Variants in NRP2 observed in about 807,000 individuals in gnomAD.
NRP2 encodes the protein neuropilin 2.
NRP2 carries 52 observed loss-of-function variants against 110.4 expected under a neutral mutation model. The ratio of observed to expected loss-of-function variants is 0.47; its 90% CI spans 0.38 to 0.59. The LOEUF is 0.59. NRP2 is among the 20% of genes least tolerant of loss of function. The pLI is 0.00. For missense variants in NRP2, 1,049 were observed against 1,203.0 expected, an observed-to-expected ratio of 0.87 and a Z score of 1.89; for synonymous variants, 508 against 468.9, an observed-to-expected ratio of 1.08 and a Z score of -1.08.
In NRP2 at chr2:205,796,972, A is replaced by G. The variant is rs2058356977; in HGVS notation, c.*1914A>G. On this transcript the variant is annotated 3_prime_UTR_variant, in exon 17 of 17. Coordinates refer to ENST00000357785, the MANE Select transcript of NRP2 (RefSeq NM_003872.3). The stretch of plus-strand genomic sequence containing the variant: ...TTATGGAAATGCTAGTTCAAATGGT[A>G]ATGTCACAGTGTTTTGTATGCAGAG... 2 of 152,680 alleles carry G rather than the reference A, an allele frequency of 1.3e-5. No individual in the cohort carries two copies. Among genetic ancestry groups the G allele is most frequent in the African/African-American group, 4.8e-5 (2 of 41,454 alleles). 9.5% of individuals were successfully genotyped at this position (152,680 alleles called of 1,614,324 possible).
intron 2 of NRP2, among the ~76,000 whole-genome samples, chr2:205,715,164 A>T (rs1056154742): frequency 6.6e-5 from 10 of 152,196 alleles, no homozygotes; most frequent in Non-Finnish European, 1.5e-4. Flanking sequence ...TGACAGGAGT[A>T]TTAACTGGGA....
intron 2 of NRP2, among the ~76,000 whole-genome samples, chr2:205,713,887 G>A (rs1044576294): frequency 2.0e-5 from 3 of 152,182 alleles, no homozygotes; most frequent in African/African-American, 7.2e-5. Context: ...ATTCCTAGCA[G>A]TAGGATTGCT....
intron 15 of NRP2, among the ~76,000 whole-genome samples, chr2:205,789,656 G>A (rs916907192): frequency 6.6e-6 from 1 of 152,078 alleles, no homozygotes; most frequent in African/African-American, 2.4e-5. Flanking sequence ...TCTCCCCTCT[G>A]CCTCCCAGAG....
At chr2:205,775,682 C>T (rs2058086216) in intron 15 of NRP2, among the ~76,000 whole-genome samples, 1 of 152,210 alleles carries the variant, frequency 6.6e-6, no homozygotes, top group Non-Finnish European at 1.5e-5. Context: ...ACCTTCAAGT[C>T]TAGCCAGCTT....
intron 15 of NRP2, among the ~76,000 whole-genome samples, chr2:205,787,840 T>A (rs1039273801): frequency 6.6e-6 from 1 of 151,988 alleles, no homozygotes; most frequent in African/African-American, 2.4e-5. Context: ...TCAGTAGGAA[T>A]TTCCAGGCAG....
intron 12 of NRP2, chr2:205,761,485 C>T (rs1193307464): frequency 6.6e-6 from 1 of 152,158 alleles, no homozygotes; most frequent in Admixed American, 6.5e-5. Flanking sequence ...ATAAAATCAG[C>T]AGTACAGTCA....
At position 205,796,695 on chromosome 2, in the gene NRP2, G is replaced by A. The variant is rs2058355137; in HGVS notation, c.*1637G>A. ...ACTCTCAACTACTCTTCAAAGGGAG[G>A]CATCAGGAATAGAATGAAACTGTGT... On this transcript the variant is annotated 3_prime_UTR_variant, in exon 17 of 17. Transcript: ENST00000357785. 1 of 152,568 alleles carries A rather than the reference G, an allele frequency of 6.6e-6. No homozygotes were observed. The highest frequency in any genetic ancestry group is 2.4e-5 in the African/African-American group (1 of 41,430). The allele number at this position is 152,568 out of a possible 1,614,324, so 9.5% of individuals were successfully genotyped here. A position where few individuals can be genotyped will look rare whatever the true frequency, so the allele number is the denominator to read the frequency against.
At chr2:205,697,104 T>A (rs1327457487) in intron 1 of NRP2, among the ~76,000 whole-genome samples, 1 of 152,114 alleles carries the variant, frequency 6.6e-6, no homozygotes, top group Non-Finnish European at 1.5e-5. Context: ...GACTGCTGGC[T>A]GCCTGGGCTG....
intron 15 of NRP2, among the ~76,000 whole-genome samples, chr2:205,781,611 T>G (rs1238001684): frequency 1.3e-5 from 2 of 152,218 alleles, no homozygotes; most frequent in Non-Finnish European, 2.9e-5. Flanking sequence ...TTGCCTGCAT[T>G]GTGGGCTACA....
chr2:205,696,977 T>C (rs1256713668), intron 1 of NRP2, among the ~76,000 whole-genome samples: 2 of 152,156 alleles, frequency 1.3e-5, no homozygotes, highest in Non-Finnish European at 2.9e-5. Flanking sequence ...GCAATCACCC[T>C]CCAGGGCCTG....
intron 15 of NRP2, among the ~76,000 whole-genome samples, chr2:205,774,575 C>G (rs185704836): frequency 3.9e-5 from 6 of 152,294 alleles, no homozygotes; most frequent in Admixed American, 3.9e-4. Flanking sequence ...AACCTGCACC[C>G]TAGCGGAAGG....
Position 205,763,175 on chromosome 2 carries a change from A to G in NRP2, c.2045-499A>G, listed in dbSNP as rs1315564888. Reference sequence around the variant, plus strand: ...AATGTCAGCCATTTGGACAGTGCCCAGCCAAGATGGCCAGGGCTGGAAGCA... The same window carrying G: ...AATGTCAGCCATTTGGACAGTGCCCGGCCAAGATGGCCAGGGCTGGAAGCA... On this transcript the variant is annotated intron_variant, in intron 12 of 16. Coordinates refer to ENST00000357785, the MANE Select transcript of NRP2 (RefSeq NM_003872.3). This position sits in a 1 kb window ranked among gnomAD's most constrained non-coding sequence, Gnocchi z 4.0. Among the ~76,000 whole-genome samples the G allele has an allele frequency of 6.6e-6, 1 of 152,182 alleles. No homozygotes were observed. Among genetic ancestry groups the G allele is most frequent in the Non-Finnish European group, 1.5e-5 (1 of 68,028 alleles).
chr2:205,752,786 T>G (rs1257167816), intron 11 of NRP2, 49 bp from the exon 12 acceptor site: 2 of 1,607,182 alleles, frequency 1.2e-6, no homozygotes, highest in South Asian at 2.2e-5. Flanking sequence ...GGCTGTTCTC[T>G]GAACCCATTT....
chr2:205,788,342 A>G (rs537661220), intron 15 of NRP2, among the ~76,000 whole-genome samples: 1 of 152,312 alleles, frequency 6.6e-6, no homozygotes, highest in Admixed American at 6.5e-5. Flanking sequence ...ACCCCTTCCC[A>G]TCATTCATTC....
intron 12 of NRP2, among the ~76,000 whole-genome samples, chr2:205,755,079 G>C (rs2057712449): frequency 6.6e-6 from 1 of 152,120 alleles, no homozygotes; most frequent in Admixed American, 6.5e-5. Flanking sequence ...ACCCTGGCCT[G>C]GACCTCTGTT....
At chr2:205,780,871 A>G (rs1039533202) in intron 15 of NRP2, among the ~76,000 whole-genome samples, 1 of 152,196 alleles carries the variant, frequency 6.6e-6, no homozygotes, top group African/African-American at 2.4e-5. Flanking sequence ...AGATGTCACT[A>G]TCTGTCCCTT....
chr2:205,751,031 T>C (rs907863679), intron 11 of NRP2, among the ~76,000 whole-genome samples: 1 of 152,176 alleles, frequency 6.6e-6, no homozygotes, highest in African/African-American at 2.4e-5. Flanking sequence ...GAATACAGAA[T>C]TCTGACATTT....
chr2:205,716,300 T>C lies in NRP2; in HGVS notation c.359T>C (p.Leu120Pro). ...PPTIISSGSMLYIKFTSDYAR... is the reference protein window; with the variant it reads ...PPTIISSGSMPYIKFTSDYAR... ...ACCATCATCTCCTCGGGCTCCATGC[T>C]CTACATCAAGTTCACCTCCGACTAC... Residue 120 changes from leucine to proline, a missense_variant, in exon 3 of 17, where the codon CTC becomes CCC. Transcript: ENST00000357785. 6.2e-7 allele frequency: 1 copy of C among 1,614,132 alleles called. No individual in the cohort carries two copies. Among genetic ancestry groups the C allele is most frequent in the Non-Finnish European group, 8.5e-7 (1 of 1,180,036 alleles).
chr2:205,785,605 T>C (rs896949808), intron 15 of NRP2, among the ~76,000 whole-genome samples: 1 of 152,256 alleles, frequency 6.6e-6, no homozygotes, highest in Non-Finnish European at 1.5e-5. Context: ...TCATCAGCTT[T>C]GCTGTGTTTT....
Sources: gnomAD v4.1 joint callset for allele counts (sites outside exome capture counted in the v4.1 genomes callset) on GRCh38, gnomAD v4.1.1 for gene constraint, Gnocchi (gnomAD v3.1) non-coding constraint, MANE v1.5 for transcripts, NCBI Gene and HGNC (gene_info 2026-07-23, HGNC 2026-07-21) for gene names.